Variants in MYO1B observed in about 807,000 individuals in gnomAD.
MYO1B encodes the protein myosin IB, also known as unconventional myosin-Ib.
MYO1B carries 72 observed loss-of-function variants against 159.7 expected under a neutral mutation model. The ratio of observed to expected loss-of-function variants is 0.45; its 90% CI spans 0.37 to 0.55. The LOEUF is 0.55. Ranked by LOEUF, MYO1B falls within the 20% of genes least tolerant of loss-of-function variation. The pLI is 0.00. For missense variants in MYO1B, 1,062 were observed against 1,364.8 expected (o/e 0.78, Z 3.50); for synonymous variants, 468 against 473.8 (o/e 0.99, Z 0.16).
rs1485857199 is a variant in MYO1B at position 191,419,828 on chromosome 2, T to C, written c.3287+3586T>C. Reference sequence around the variant, plus strand: ...AAAATTTTAAAAATAGAGAAAAGCTTATAGAATAAGGTTATAAAGAAAATA... The same window carrying C: ...AAAATTTTAAAAATAGAGAAAAGCTCATAGAATAAGGTTATAAAGAAAATA... On this transcript the variant is annotated intron_variant, in intron 30 of 30. Transcript: ENST00000392318. Among the ~76,000 whole-genome samples the C allele has an allele frequency of 2.6e-5, 4 of 151,960 alleles. 1 individual carries two copies. Among genetic ancestry groups the C allele is most frequent in the Admixed American group, 2.6e-4 (4 of 15,256 alleles).
intron 6 of MYO1B, among the ~76,000 whole-genome samples, chr2:191,349,709 A>C: frequency 6.6e-6 from 1 of 152,346 alleles, no homozygotes; most frequent in Admixed American, 6.5e-5. Context: ...GAGTAGATAT[A>C]AAAACAGATC....
intron 3 of MYO1B, among the ~76,000 whole-genome samples, chr2:191,305,411 A>G (rs1211158575): frequency 2.0e-5 from 3 of 152,170 alleles, no homozygotes; most frequent in African/African-American, 7.2e-5. Context: ...GAGGGTGGTG[A>G]TGGGGCCACC....
chr2:191,414,316 T>A, intron 28 of MYO1B, 136 bp downstream of exon 28: 1 of 1,190,386 alleles, frequency 8.4e-7, no homozygotes, highest in Non-Finnish European at 1.2e-6. Flanking sequence ...CCCTTACCTT[T>A]AAGCTTAGGT....
At chr2:191,412,633 C>T (rs1697315996) in intron 27 of MYO1B, among the ~76,000 whole-genome samples, 1 of 152,184 alleles carries the variant, frequency 6.6e-6, no homozygotes, top group Non-Finnish European at 1.5e-5. Context: ...TTCCCTTATC[C>T]TCCACCCACA....
At chr2:191,304,734 A>G (rs1214818141) in intron 3 of MYO1B, among the ~76,000 whole-genome samples, 38 of 152,290 alleles carry the variant, frequency 2.5e-4, no homozygotes, top group Admixed American at 2.5e-3. Context: ...GAAAATTGTT[A>G]TGATATAAGA....
rs540317991 is a variant in MYO1B, at chr2:191,399,253, G to A, written c.2296-1129G>A. On this transcript the variant is annotated intron_variant, in intron 21 of 30. Transcript: ENST00000392318. ...TTTGGCTCGGCATCAGAGGGAGACC[G>A]TGGAAGGAGACCGTGGGGAGAGGGA... 7.9e-5 allele frequency among the ~76,000 whole-genome samples: 12 copies of A among 152,032 alleles called. No individual in the cohort carries two copies. In the South Asian group the frequency reaches 8.3e-4, roughly 11 times the overall value.
At chr2:191,401,210 T>G (rs1168594010) in intron 23 of MYO1B, among the ~76,000 whole-genome samples, 1 of 152,156 alleles carries the variant, frequency 6.6e-6, no homozygotes, top group Non-Finnish European at 1.5e-5. Context: ...AAGTTTGGGC[T>G]TCAGTCGGTC....
At chr2:191,421,130 C>T (rs886971483) in intron 30 of MYO1B, among the ~76,000 whole-genome samples, 11 of 148,320 alleles carry the variant, frequency 7.4e-5, no homozygotes, top group Non-Finnish European at 1.5e-4. Context: ...AGTGCAGTGG[C>T]GAGATCTCGG....
At chr2:191,361,058 A>C (rs1352773521) in intron 8 of MYO1B, among the ~76,000 whole-genome samples, 1 of 152,140 alleles carries the variant, frequency 6.6e-6, no homozygotes, top group Admixed American at 6.6e-5. Context: ...ACCACACCCC[A>C]GGGTTTGTGT....
chr2:191,408,182 A>G lies in MYO1B; in HGVS notation c.2624A>G (p.Gln875Arg). 1 of 1,611,406 alleles carries G rather than the reference A, an allele frequency of 6.2e-7. No individual in the cohort carries two copies. Among genetic ancestry groups the G allele is most frequent in the Non-Finnish European group, 8.5e-7 (1 of 1,177,700 alleles). ...AAGAAAATCTATGAGTTTACGCTTC[A>G]GAGAATTGTAAGTTGACACTTTATA... ...AGKKIYEFTL[Q>R]RIVQKYFLEM... The change falls in exon 25 of 31, where the codon CAG becomes CGG. Residue 875 changes from glutamine (Q) to arginine (R), a missense_variant. Around this residue, in one of 5 missense-constraint regions of MYO1B, gnomAD observed 609 missense variants for 744.4 expected, o/e 0.82. Coordinates refer to ENST00000392318, the MANE Select transcript of MYO1B (RefSeq NM_001130158.3).
At chr2:191,356,337 C>CTTTTTTTTTTTTT (rs79525897) in intron 7 of MYO1B, among the ~76,000 whole-genome samples, 1 of 106,462 alleles carries the variant, frequency 9.4e-6, no homozygotes, top group African/African-American at 3.5e-5. Flanking sequence ...GGCTGGGCTT[C>CTTTTTTTTTTTTT]TTTTTTTTTT....
At chr2:191,262,001 A>G (rs13013390) in intron 1 of MYO1B, among the ~76,000 whole-genome samples, 57,530 of 151,960 alleles carry the variant, frequency 0.38, 11,646 homozygotes, top group African/African-American at 0.51. Context: ...CATTTGGATA[A>G]GAGAACCTCT....
rs56964870 is a variant in MYO1B at position 191,261,077 on chromosome 2, C to T, written c.-10+15451C>T. On this transcript the variant is annotated intron_variant, in intron 1 of 30. Transcript: ENST00000392318. ...CTTTTTCTCTGTAAAGTGGATCAGC[C>T]GATGCCATAGATACACTAATGCTCC... Among the ~76,000 whole-genome samples the T allele has an allele frequency of 7.9e-3, 1,204 of 152,230 alleles. 13 individuals are homozygous for T. The highest frequency in any genetic ancestry group is 0.028 in the African/African-American group (1,144 of 41,530).
intron 23 of MYO1B, among the ~76,000 whole-genome samples, chr2:191,401,103 A>C (rs1696585986): frequency 6.6e-6 from 1 of 152,078 alleles, no homozygotes; most frequent in Non-Finnish European, 1.5e-5. Flanking sequence ...ACAACTCTTA[A>C]ATAACATGCA....
chr2:191,309,732 G>A (rs1689879060), intron 3 of MYO1B, among the ~76,000 whole-genome samples: 1 of 152,206 alleles, frequency 6.6e-6, no homozygotes, highest in Admixed American at 6.5e-5. Flanking sequence ...ATCAGGAATA[G>A]CAATCCCTGA....
In MYO1B at chr2:191,386,100, G is replaced by T; in HGVS notation, c.1554+16G>T. 6.2e-7 allele frequency: 1 copy of T among 1,613,046 alleles called. No individual in the cohort carries two copies. Among genetic ancestry groups the T allele is most frequent in the South Asian group, 1.1e-5 (1 of 90,914 alleles). ...TGCTGGAAAGGTATGGGGGAGCTGT[G>T]AGCACCCAGTCAGGCCTGCCAAGTT... On this transcript the variant is annotated intron_variant, in intron 16 of 30. Transcript: ENST00000392318.
intron 13 of MYO1B, among the ~76,000 whole-genome samples, chr2:191,371,498 GTTA>G (rs778254879): frequency 1.3e-5 from 2 of 152,170 alleles, no homozygotes; most frequent in East Asian, 3.8e-4. Context: ...TGAAGTAGCT[GTTA>G]TTATTATGAA....
At chr2:191,262,230 CTT>C (rs1301877102) in intron 1 of MYO1B, among the ~76,000 whole-genome samples, 2 of 152,116 alleles carry the variant, frequency 1.3e-5, no homozygotes, top group Non-Finnish European at 2.9e-5. Context: ...AAAAGGCACT[CTT>C]TGGGGCAGAC....
In MYO1B at chr2:191,390,303, C is replaced by T. The variant is rs747519171; in HGVS notation, c.1793C>T (p.Pro598Leu). The change falls in exon 18 of 31, where the codon CCG becomes CTG. Residue 598 changes from proline to leucine, a missense_variant. Pro to Leu is a moderately conservative substitution (Grantham distance 98). Transcript: ENST00000392318. Reference sequence around the variant, plus strand: ...TTGTGATCTTTAAGGTGTATCAAACCGAATGATAAAAAAGCAGCACACATC... The same window carrying T: ...TTGTGATCTTTAAGGTGTATCAAACTGAATGATAAAAAAGCAGCACACATC... ...KNPNYIRCIK[P>L]NDKKAAHIFN... 7.4e-6 allele frequency: 12 copies of T among 1,613,048 alleles called. No homozygotes were observed. Among genetic ancestry groups the T allele is most frequent in the Non-Finnish European group, 1.0e-5 (12 of 1,179,200 alleles).
Sources: gnomAD v4.1 joint callset for allele counts (sites outside exome capture counted in the v4.1 genomes callset) on GRCh38, gnomAD v4.1.1 for gene constraint, gnomAD v4.1.1 regional missense constraint, MANE v1.5 for transcripts, NCBI Gene and HGNC (gene_info 2026-07-23, HGNC 2026-07-21) for gene names.